Variants in CELSR1 observed in about 807,000 individuals in gnomAD.
CELSR1 encodes the protein adhesion G protein-coupled receptor C1.
In CELSR1, 110 loss-of-function variants were observed where a neutral mutation model predicts 249.1. That is an observed-to-expected ratio of 0.44 (90% CI 0.38 to 0.52). The LOEUF is 0.52. Ranked by LOEUF, CELSR1 falls within the 20% of genes least tolerant of loss-of-function variation. CELSR1 has a pLI of 0.00. For missense variants in CELSR1, 4,109 were observed against 4,296.4 expected, an observed-to-expected ratio of 0.96 and a Z score of 1.22; for synonymous variants, 2,113 against 1,900.0, an observed-to-expected ratio of 1.11 and a Z score of -2.92.
rs780509095 is a variant in CELSR1, at chr22:46,534,169, T to G, written c.3002A>C (p.Lys1001Thr). ...DINDNAPMFEKDELELFVEEN... is the reference protein window; with the variant it reads ...DINDNAPMFETDELELFVEEN... ...CTCAACAAACAGCTCCAGTTCGTCC[T>G]TCTCAAACATGGGGGCATTGTCATT... The change falls in exon 1 of 35, where the codon AAG becomes ACG. Residue 1001 changes from lysine (K) to threonine (T), a missense_variant. Physicochemically the swap from Lys to Thr is moderately conservative, Grantham distance 78. Transcript: ENST00000674500. This position sits in a 1 kb window ranked among gnomAD's most constrained non-coding sequence, Gnocchi z 9.7. The G allele has an allele frequency of 1.2e-6, 2 of 1,613,888 alleles. No homozygotes were observed. Among genetic ancestry groups the G allele is most frequent in the Non-Finnish European group, 8.5e-7 (1 of 1,180,034 alleles).
At chr22:46,372,047 A>G (rs1207535516) in intron 25 of CELSR1, among the ~76,000 whole-genome samples, 3 of 130,938 alleles carry the variant, frequency 2.3e-5, no homozygotes, top group Non-Finnish European at 3.3e-5. Flanking sequence ...CTCCATCCCT[A>G]TATCCATCTA....
intron 14 of CELSR1, 116 bp downstream of exon 14, chr22:46,394,026 T>C (rs1245405092): frequency 1.7e-5 from 23 of 1,360,888 alleles, no homozygotes; most frequent in Non-Finnish European, 2.2e-5. Context: ...CAGGTGTGTG[T>C]GCAGGGGTGT....
rs958213806 is a variant in CELSR1 at position 46,374,509 on chromosome 22, G to A, written c.7585-1452C>T. Among the ~76,000 whole-genome samples, 3 of 152,168 alleles carry A rather than the reference G, an allele frequency of 2.0e-5. No individual in the cohort carries two copies. The highest frequency in any genetic ancestry group is 7.2e-5 in the African/African-American group (3 of 41,430). ...TGTGGGTTTACAAAAAAACCATAAA[G>A]CCCAGGCACTCTGCCAAGCCCCTAG... On this transcript the variant is annotated intron_variant, in intron 24 of 34. Coordinates refer to ENST00000674500, the MANE Select transcript of CELSR1 (RefSeq NM_001378328.1). This position sits in a 1 kb window ranked among gnomAD's most constrained non-coding sequence, Gnocchi z 4.3.
chr22:46,461,040 G>A (rs62231926), intron 2 of CELSR1, among the ~76,000 whole-genome samples: 26 of 152,104 alleles, frequency 1.7e-4, no homozygotes, highest in African/African-American at 2.4e-4. Flanking sequence ...TGAGGCCCCC[G>A]AGCTCGGCTT....
rs186288918 is a variant in CELSR1 at position 46,412,890 on chromosome 22, G to A, written c.4612-1131C>T. On this transcript the variant is annotated intron_variant, in intron 5 of 34. Transcript: ENST00000674500. The surrounding 1 kb of genome is among the most constrained non-coding windows in gnomAD (Gnocchi z 4.5). ...CCTACATCCCACAGGTGGCCGTGACGATGAGCCAGGAGATCGCCAGGCAAG... is the reference window on the plus strand; with the variant it reads ...CCTACATCCCACAGGTGGCCGTGACAATGAGCCAGGAGATCGCCAGGCAAG... 3.3e-5 allele frequency among the ~76,000 whole-genome samples: 5 copies of A among 152,314 alleles called. No individual in the cohort carries two copies. The highest frequency in any genetic ancestry group is 4.4e-5 in the Non-Finnish European group (3 of 68,036).
chr22:46,472,417 A>AC lies in CELSR1; in HGVS notation c.3545-8073dup, dbSNP rs2080165151. Among the ~76,000 whole-genome samples the AC allele has an allele frequency of 6.6e-6, 1 of 152,040 alleles. No individual in the cohort carries two copies. Among genetic ancestry groups the AC allele is most frequent in the African/African-American group, 2.4e-5 (1 of 41,396 alleles). ...GCAGGCAGCCCTCAGGGGACAGGGG[A>AC]CAGTGCCGCAGTTCCGAGACTCGGT... On this transcript the variant is annotated intron_variant, in intron 1 of 34. Transcript: ENST00000674500. This position sits in a 1 kb window ranked among gnomAD's most constrained non-coding sequence, Gnocchi z 7.0.
intron 2 of CELSR1, among the ~76,000 whole-genome samples, chr22:46,457,947 G>A (rs1005998104): frequency 1.3e-5 from 2 of 152,234 alleles, no homozygotes; most frequent in Non-Finnish European, 2.9e-5. Flanking sequence ...TACGTGGAGG[G>A]GCGGGATGGC....
At chr22:46,386,000 C>T (rs1464173022) in intron 19 of CELSR1, among the ~76,000 whole-genome samples, 2 of 136,038 alleles carry the variant, frequency 1.5e-5, no homozygotes, top group African/African-American at 3.1e-5. Context: ...GATGGAGTCT[C>T]GCTCTGTCAC....
chr22:46,421,313 G>A (rs890298458), intron 5 of CELSR1, among the ~76,000 whole-genome samples: 1 of 152,204 alleles, frequency 6.6e-6, no homozygotes, highest in African/African-American at 2.4e-5. Flanking sequence ...GGGGTGGGAA[G>A]GATGGGGGTG....
At position 46,370,971 on chromosome 22, in the gene CELSR1, AC is replaced by A. The variant is rs573693776; in HGVS notation, c.7760-1168del. 1.6e-3 allele frequency among the ~76,000 whole-genome samples: 251 copies of A among 152,358 alleles called. 1 individual carries two copies. Among genetic ancestry groups the A allele is most frequent in the African/African-American group, 6.0e-3 (248 of 41,578 alleles). Reference sequence around the variant, plus strand: ...TCCAAAGGGCAGAGGCATCGCAGAGACCTGCTCCGCCTGGACATCGAGGTGG... The same window carrying A: ...TCCAAAGGGCAGAGGCATCGCAGAGACTGCTCCGCCTGGACATCGAGGTGG... On this transcript the variant is annotated intron_variant, in intron 25 of 34. Transcript: ENST00000674500.
chr22:46,367,035 C>T lies in CELSR1; in HGVS notation c.8163G>A (p.Leu2721=), dbSNP rs2078792306. 2 of 1,610,788 alleles carry T rather than the reference C, an allele frequency of 1.2e-6. No homozygotes were observed. The highest frequency in any genetic ancestry group is 2.2e-5 in the South Asian group (2 of 90,732). ...HLKGVLGGRK[L]HLEDSATTRA... is the part of the protein sequence containing the mutation. The stretch of plus-strand genomic sequence containing the variant: ...TGGTGGTGGCGGAGTCCTCCAGGTG[C>T]AGCTTCCTCCCGCCGAGCACGCCCT... Residue 2721 remains leucine, a synonymous_variant, in exon 29 of 35, where the codon CTG becomes CTA. Transcript: ENST00000674500.
chr22:46,464,147 T>C lies in CELSR1; in HGVS notation c.3743A>G (p.Gln1248Arg), dbSNP rs1049760244. Residue 1248 changes from glutamine to arginine, a missense_variant, in exon 2 of 35, where the codon CAG becomes CGG. Gln to Arg is a conservative substitution (Grantham distance 43, BLOSUM62 1). Around this residue, in one of 7 missense-constraint regions of CELSR1, gnomAD observed 141 missense variants for 209.4 expected, o/e 0.67. Transcript: ENST00000674500. The surrounding 1 kb of genome is among the most constrained non-coding windows in gnomAD (Gnocchi z 8.5). ...GTTGGAGCTGACGTCGGTGTCGTTC[T>C]GGACGTTGAAGACGAAGACGTCGTC... ...TKDDVFVFNVQNDTDVSSNIL... is the reference protein window; with the variant it reads ...TKDDVFVFNVRNDTDVSSNIL... 1.2e-6 allele frequency: 2 copies of C among 1,613,844 alleles called. No homozygotes were observed. Among genetic ancestry groups the C allele is most frequent in the Non-Finnish European group, 1.7e-6 (2 of 1,180,036 alleles).
chr22:46,522,447 A>G (rs2080695926), intron 1 of CELSR1, among the ~76,000 whole-genome samples: 1 of 152,022 alleles, frequency 6.6e-6, no homozygotes, highest in African/African-American at 2.4e-5. Flanking sequence ...AATGACTCTG[A>G]GCATCTTTTT....
chr22:46,513,026 G>A lies in CELSR1; in HGVS notation c.3544+20601C>T, dbSNP rs977438525. 3.3e-5 allele frequency among the ~76,000 whole-genome samples: 5 copies of A among 152,302 alleles called. 1 individual carries two copies. Among genetic ancestry groups the A allele is most frequent in the South Asian group, 4.1e-4 (2 of 4,822 alleles). On this transcript the variant is annotated intron_variant, in intron 1 of 34. Coordinates refer to ENST00000674500, the MANE Select transcript of CELSR1 (RefSeq NM_001378328.1). ...TCAGCAATCCCCATCATCCTAGGAC[G>A]GGAATCCATCCCTCCCCAGTGGAGT...
In CELSR1 at chr22:46,526,759, G is replaced by A. The variant is rs1383842108; in HGVS notation, c.3544+6868C>T. On this transcript the variant is annotated intron_variant, in intron 1 of 34. Coordinates refer to ENST00000674500, the MANE Select transcript of CELSR1 (RefSeq NM_001378328.1). The surrounding 1 kb of genome is among the most constrained non-coding windows in gnomAD (Gnocchi z 4.7). ...ATTCGGGCCATGGCTCCTCAAGGCT[G>A]GGCCTGGGTCCCCTCCTAACTGCCA... Among the ~76,000 whole-genome samples the A allele has an allele frequency of 6.6e-6, 1 of 152,170 alleles. No homozygotes were observed. The highest frequency in any genetic ancestry group is 1.5e-5 in the Non-Finnish European group (1 of 68,048).
In CELSR1 at chr22:46,409,457, G is replaced by A. The variant is rs1301989620; in HGVS notation, c.5060-295C>T. Among the ~76,000 whole-genome samples, 4 of 152,172 alleles carry A rather than the reference G, an allele frequency of 2.6e-5. No homozygotes were observed. The highest frequency in any genetic ancestry group is 4.4e-5 in the Non-Finnish European group (3 of 68,020). On this transcript the variant is annotated intron_variant, in intron 8 of 34. Transcript: ENST00000674500. This position sits in a 1 kb window ranked among gnomAD's most constrained non-coding sequence, Gnocchi z 9.8. The stretch of plus-strand genomic sequence containing the variant: ...TCTCAGGCTTGACAGGAGGCAGACG[G>A]GGGCGGGTTCAGGATCCCTGGGCTC...
intron 19 of CELSR1, 73 bp from the exon 20 acceptor site, chr22:46,384,759 C>T (rs1288606027): frequency 1.4e-6 from 2 of 1,454,954 alleles, no homozygotes; most frequent in Non-Finnish European, 1.9e-6. Flanking sequence ...TCAAAATGAC[C>T]ACAACTGTCA....
Position 46,411,589 on chromosome 22 carries a change from C to T in CELSR1, c.4769+13G>A. 1 of 1,613,980 alleles carries T rather than the reference C, an allele frequency of 6.2e-7. No homozygotes were observed. Among genetic ancestry groups the T allele is most frequent in the Non-Finnish European group, 8.5e-7 (1 of 1,179,968 alleles). ...GTACGGACCCCCAGGGCCTCCCCTC[C>T]TGGGATGCTCACTTCTTGGAGCCGG... is the stretch of plus-strand genomic sequence containing the variant. On this transcript the variant is annotated intron_variant, in intron 6 of 34. Coordinates refer to ENST00000674500, the MANE Select transcript of CELSR1 (RefSeq NM_001378328.1). The surrounding 1 kb of genome is among the most constrained non-coding windows in gnomAD (Gnocchi z 4.2).
At chr22:46,493,451 T>C (rs57701538) in intron 1 of CELSR1, among the ~76,000 whole-genome samples, 13,684 of 148,616 alleles carry the variant, frequency 0.092, 795 homozygotes, top group South Asian at 0.14. Context: ...GAGGCTGAGG[T>C]AGGAGAATCG....
Sources: gnomAD v4.1 joint callset for allele counts (sites outside exome capture counted in the v4.1 genomes callset) on GRCh38, gnomAD v4.1.1 for gene constraint, gnomAD v4.1.1 regional missense constraint, Gnocchi (gnomAD v3.1) non-coding constraint, MANE v1.5 for transcripts, NCBI Gene and HGNC (gene_info 2026-07-23, HGNC 2026-07-21) for gene names.